The following RABGAP1L variants were observed in gnomAD, a reference collection of about 807,000 sequenced individuals.
The protein encoded by RABGAP1L is RAB GTPase activating protein 1 like.
In RABGAP1L, 63 loss-of-function variants were observed where a neutral mutation model predicts 137.7. That is an observed-to-expected ratio of 0.46 (90% CI 0.37 to 0.56). RABGAP1L has a LOEUF of 0.56. RABGAP1L is among the 20% of genes least tolerant of loss of function. The pLI, the probability that RABGAP1L is intolerant of heterozygous loss-of-function variation, is 0.00. For missense variants in RABGAP1L, 1,095 were observed against 1,244.0 expected (o/e 0.88, Z 1.80); for synonymous variants, 431 against 433.7 (o/e 0.99, Z 0.08).
intron 14 of RABGAP1L, among the ~76,000 whole-genome samples, chr1:174,646,293 A>G (rs932567170): frequency 6.6e-6 from 1 of 152,086 alleles, no homozygotes; most frequent in South Asian, 2.1e-4. Context: ...GCCCATGCCT[A>G]TGTCCTGAAT....
chr1:174,578,008 A>G (rs552119883), intron 13 of RABGAP1L, among the ~76,000 whole-genome samples: 6 of 152,350 alleles, frequency 3.9e-5, no homozygotes, highest in South Asian at 4.1e-4. Flanking sequence ...AACATTGTCT[A>G]ATTGGAAATA....
chr1:174,537,802 A>G lies in RABGAP1L; in HGVS notation c.1711-99573A>G, dbSNP rs1017101589. Among the ~76,000 whole-genome samples, 48 of 152,158 alleles carry G rather than the reference A, an allele frequency of 3.2e-4. 1 individual carries two copies. The highest frequency in any genetic ancestry group is 5.6e-4 in the Non-Finnish European group (38 of 68,018). ...CTTTTAAAGAACACAAAAAAGTTAT[A>G]ATTTTTTTCAACTCTAAAATCTTCC... On this transcript the variant is annotated intron_variant, in intron 13 of 25. Coordinates refer to ENST00000681986, the MANE Select transcript of RABGAP1L (RefSeq NM_001366446.1).
chr1:174,283,328 C>T (rs979249075), intron 10 of RABGAP1L, among the ~76,000 whole-genome samples: 1 of 151,758 alleles, frequency 6.6e-6, no homozygotes, highest in African/African-American at 2.4e-5. Context: ...ATTGCTTGAG[C>T]CCAGGAGGTT....
At chr1:174,456,792 A>G (rs1006271258) in intron 13 of RABGAP1L, among the ~76,000 whole-genome samples, 2 of 152,162 alleles carry the variant, frequency 1.3e-5, no homozygotes, top group Non-Finnish European at 2.9e-5. Flanking sequence ...CCACTGAGTT[A>G]TTTGAAAAGT....
chr1:174,508,129 A>G (rs568587357), intron 13 of RABGAP1L, among the ~76,000 whole-genome samples: 1 of 152,274 alleles, frequency 6.6e-6, no homozygotes, highest in South Asian at 2.1e-4. Flanking sequence ...GATTTGTGCT[A>G]AGTGATAATA....
intron 1 of RABGAP1L, among the ~76,000 whole-genome samples, chr1:174,199,197 A>G (rs1169097473): frequency 6.6e-6 from 1 of 152,196 alleles, no homozygotes; most frequent in African/African-American, 2.4e-5. Context: ...TATGAAAATT[A>G]TGGACATATC....
At chr1:174,864,859 G>A (rs1279926739) in intron 19 of RABGAP1L, among the ~76,000 whole-genome samples, 2 of 152,322 alleles carry the variant, frequency 1.3e-5, no homozygotes, top group African/African-American at 4.8e-5. Flanking sequence ...GCTCACTCCT[G>A]TAATCTCAGC....
chr1:174,616,966 T>C lies in RABGAP1L; in HGVS notation c.1711-20409T>C, dbSNP rs549454373. ...CAGGAGAGATAAAATAAATGGTAGT[T>C]GAAGTCACAGGAATGGATAAGATTT... On this transcript the variant is annotated intron_variant, in intron 13 of 25. Transcript: ENST00000681986. Among the ~76,000 whole-genome samples, 77 of 152,248 alleles carry C rather than the reference T, an allele frequency of 5.1e-4. No individual in the cohort carries two copies. In the South Asian group the frequency reaches 0.013, roughly 26 times the overall value.
chr1:174,649,412 T>G (rs1338074373), intron 14 of RABGAP1L, among the ~76,000 whole-genome samples: 2 of 152,142 alleles, frequency 1.3e-5, no homozygotes, highest in Non-Finnish European at 2.9e-5. Context: ...ACAAAATCCC[T>G]CGGCGATGGC....
intron 18 of RABGAP1L, among the ~76,000 whole-genome samples, chr1:174,793,448 T>C (rs1044594589): frequency 4.6e-5 from 7 of 152,354 alleles, no homozygotes; most frequent in Non-Finnish European, 8.8e-5. Flanking sequence ...TATAAACATG[T>C]GACCTCAACC....
intron 13 of RABGAP1L, among the ~76,000 whole-genome samples, chr1:174,519,966 A>G (rs1019497268): frequency 1.3e-5 from 2 of 152,186 alleles, no homozygotes; most frequent in East Asian, 1.9e-4. Context: ...TCATTTCATT[A>G]TCTCTGTCTT....
At chr1:174,327,997 A>ATG (rs1326986736) in intron 11 of RABGAP1L, among the ~76,000 whole-genome samples, 53 of 97,034 alleles carry the variant, frequency 5.5e-4, no homozygotes, top group African/African-American at 2.3e-3. Context: ...ATATATATAT[A>ATG]TATATATATA....
chr1:174,939,696 A>C (rs903478716), intron 19 of RABGAP1L, among the ~76,000 whole-genome samples: 3 of 152,238 alleles, frequency 2.0e-5, no homozygotes, highest in Non-Finnish European at 4.4e-5. Context: ...GGCTCTGTCA[A>C]ACATATCAGA....
At chr1:174,805,060 A>G (rs1689150064) in intron 18 of RABGAP1L, among the ~76,000 whole-genome samples, 1 of 152,226 alleles carries the variant, frequency 6.6e-6, no homozygotes, top group Admixed American at 6.5e-5. Context: ...CAATTTTTAT[A>G]TGAAAATAAG....
chr1:174,715,124 C>T (rs1208339223), intron 17 of RABGAP1L, among the ~76,000 whole-genome samples: 1 of 152,090 alleles, frequency 6.6e-6, no homozygotes, highest in Non-Finnish European at 1.5e-5. Flanking sequence ...TAAGTAAAAG[C>T]AGTGTGCAAT....
At chr1:174,716,179 A>G (rs1374205126) in intron 17 of RABGAP1L, among the ~76,000 whole-genome samples, 2 of 152,038 alleles carry the variant, frequency 1.3e-5, no homozygotes, top group African/African-American at 4.8e-5. Context: ...GCAGTTTTCC[A>G]TCTGTTGTTT....
intron 14 of RABGAP1L, among the ~76,000 whole-genome samples, chr1:174,660,108 C>G (rs890444445): frequency 3.9e-5 from 6 of 152,196 alleles, no homozygotes; most frequent in Non-Finnish European, 8.8e-5. Context: ...GATCTTGTCT[C>G]ACAGCCATGG....
intron 13 of RABGAP1L, among the ~76,000 whole-genome samples, chr1:174,546,826 C>T (rs1331132986): frequency 2.0e-5 from 3 of 151,364 alleles, no homozygotes; most frequent in African/African-American, 4.9e-5. Context: ...GTCAGGAGAT[C>T]GAGACCATCC....
intron 19 of RABGAP1L, among the ~76,000 whole-genome samples, chr1:174,893,980 A>G (rs1656707935): frequency 6.6e-6 from 1 of 152,154 alleles, no homozygotes. Flanking sequence ...CTCTGTAATT[A>G]CATCCTAAAA....
Sources: allele counts gnomAD v4.1 joint callset (sites outside exome capture counted in the v4.1 genomes callset), GRCh38; gene constraint gnomAD v4.1.1; transcripts MANE v1.5; gene names NCBI Gene and HGNC (gene_info 2026-07-23, HGNC 2026-07-21).